The following MCPH1 variants were observed in gnomAD, a reference collection of about 807,000 sequenced individuals.
MCPH1 encodes the protein microcephalin 1, also known as microcephalin.
MCPH1 carries 104 observed loss-of-function variants against 84.5 expected under a neutral mutation model. The observed-to-expected ratio is 1.23, with a 90% CI of 1.05 to 1.45. MCPH1 has a LOEUF of 1.45. Among genes scored for constraint, MCPH1 ranks in the 40% most tolerant of loss-of-function variants. MCPH1 has a pLI of 0.00. For synonymous variants in MCPH1, 514 were observed against 366.8 expected, an observed-to-expected ratio of 1.40 and a Z score of -4.58; for missense variants, 1,498 against 1,005.7, an observed-to-expected ratio of 1.49 and a Z score of -6.62.
At position 6,626,886 on chromosome 8, in the gene MCPH1, C is replaced by G. The variant is rs1035218295; in HGVS notation, c.2452+5195C>G. 12 of 984,910 alleles carry G rather than the reference C, an allele frequency of 1.2e-5. No individual in the cohort carries two copies. In the African/African-American group the frequency reaches 1.9e-4, roughly 16 times the overall value. The allele number at this position is 984,910 out of a possible 1,614,324, so 61.0% of individuals were successfully genotyped here. A position where few individuals can be genotyped will look rare whatever the true frequency, so the allele number is the denominator to read the frequency against. On this transcript the variant is annotated intron_variant, in intron 13 of 13. Coordinates refer to ENST00000344683, the MANE Select transcript of MCPH1 (RefSeq NM_024596.5). ...GGCCTTTCTCATAGGCGTATTTCCA[C>G]TCTCAGGCGCCCTTTTATTGTCTGG...
At chr8:6,557,878 G>A (rs1226136582) in intron 12 of MCPH1, among the ~76,000 whole-genome samples, 2 of 152,090 alleles carry the variant, frequency 1.3e-5, no homozygotes, top group African/African-American at 4.8e-5. Context: ...CCACAAAGCT[G>A]ACCAGGCCCT....
intron 11 of MCPH1, among the ~76,000 whole-genome samples, chr8:6,497,866 G>A (rs564269691): frequency 6.6e-6 from 1 of 152,246 alleles, no homozygotes; most frequent in East Asian, 1.9e-4. Flanking sequence ...TTGAACATAG[G>A]TACATTAAGT....
chr8:6,618,804 G>T (rs966139005), intron 12 of MCPH1: 3 of 151,950 alleles, frequency 2.0e-5, no homozygotes, highest in South Asian at 2.1e-4. Context: ...GACATGAAAA[G>T]AACAAAATAA....
At chr8:6,417,128 G>C (rs950206464) in intron 3 of MCPH1, among the ~76,000 whole-genome samples, 1 of 152,078 alleles carries the variant, frequency 6.6e-6, no homozygotes, top group African/African-American at 2.4e-5. Context: ...TGAATGTGTA[G>C]TTGCCTGTGT....
chr8:6,514,113 G>A (rs79324428), intron 12 of MCPH1, among the ~76,000 whole-genome samples: 9 of 152,200 alleles, frequency 5.9e-5, no homozygotes, highest in Non-Finnish European at 1.3e-4. Context: ...AAACAGCTCA[G>A]TTCATGGGAA....
chr8:6,548,192 G>A (rs2515492), intron 12 of MCPH1, among the ~76,000 whole-genome samples: 151,300 of 152,182 alleles, frequency 0.99, 75,218 homozygotes, highest in Middle Eastern at 1. Flanking sequence ...GAGGCGGCAC[G>A]CTTTGACTTT....
intron 11 of MCPH1, among the ~76,000 whole-genome samples, chr8:6,492,710 T>G: frequency 7.0e-6 from 1 of 143,716 alleles, no homozygotes; most frequent in Admixed American, 7.3e-5. Context: ...TAAAAATAAA[T>G]ATTTTATATT....
rs1418843033 is a variant in MCPH1, at chr8:6,519,811, T to A, written c.2214+19882T>A. ...TTCTGCTCTCTGGTTCCTCACTCACTAAAGTGGCCTGCCTAGAGCCAGGGA... is the reference window on the plus strand; with the variant it reads ...TTCTGCTCTCTGGTTCCTCACTCACAAAAGTGGCCTGCCTAGAGCCAGGGA... On this transcript the variant is annotated intron_variant, in intron 12 of 13. Coordinates refer to ENST00000344683, the MANE Select transcript of MCPH1 (RefSeq NM_024596.5). 3.8e-6 allele frequency: 6 copies of A among 1,597,206 alleles called. No individual in the cohort carries two copies. In the East Asian group the frequency reaches 1.1e-4, roughly 30 times the overall value.
intron 12 of MCPH1, chr8:6,508,870 C>A (rs764112777): frequency 5.0e-6 from 8 of 1,610,702 alleles, no homozygotes; most frequent in African/African-American, 1.3e-5. Context: ...AAATTGCCAG[C>A]CTTTCCCTCT....
chr8:6,464,359 G>C (rs1252717743), intron 9 of MCPH1, among the ~76,000 whole-genome samples: 1 of 152,184 alleles, frequency 6.6e-6, no homozygotes, highest in East Asian at 1.9e-4. Flanking sequence ...TAGCCTAACA[G>C]TTGCTTTCAG....
chr8:6,457,317 T>A (rs1210623312), intron 9 of MCPH1, among the ~76,000 whole-genome samples: 1 of 151,700 alleles, frequency 6.6e-6, no homozygotes, highest in African/African-American at 2.4e-5. Context: ...TCTGGGCCAG[T>A]CATGGTGGCT....
chr8:6,620,999 A>G (rs932567756), intron 12 of MCPH1: 6 of 234,218 alleles, frequency 2.6e-5, no homozygotes, highest in African/African-American at 4.6e-5. Context: ...TACATCCTAT[A>G]AAAGTCCTTT....
Position 6,620,813 on chromosome 8 carries a change from G to A in MCPH1, c.2215-641G>A, listed in dbSNP as rs547764223. Among the ~76,000 whole-genome samples the A allele has an allele frequency of 5.8e-4, 89 of 152,264 alleles. No individual in the cohort carries two copies. In the South Asian group the frequency reaches 8.5e-3, roughly 15 times the overall value. ...ACACATTGCCAGAATGAGAAGCAGA[G>A]CAGCTTCACATCCCTGCTTCTGAAA... On this transcript the variant is annotated intron_variant, in intron 12 of 13. Transcript: ENST00000344683.
chr8:6,606,795 C>G (rs1829811911), intron 12 of MCPH1, among the ~76,000 whole-genome samples: 1 of 152,186 alleles, frequency 6.6e-6, no homozygotes, highest in Non-Finnish European at 1.5e-5. Context: ...AGGTCTTTCT[C>G]ATGCTGTTCT....
At chr8:6,574,928 G>A (rs1403564407) in intron 12 of MCPH1, among the ~76,000 whole-genome samples, 1 of 152,042 alleles carries the variant, frequency 6.6e-6, no homozygotes, top group Non-Finnish European at 1.5e-5. Flanking sequence ...TCGAAAAACG[G>A]CAAAAAATGA....
intron 11 of MCPH1, among the ~76,000 whole-genome samples, chr8:6,488,709 C>T (rs1391963476): frequency 6.6e-6 from 1 of 151,986 alleles, no homozygotes; most frequent in Non-Finnish European, 1.5e-5. Flanking sequence ...CCCAGTATGG[C>T]TGTGTAGTTC....
At chr8:6,544,922 G>C (rs1470722969) in intron 12 of MCPH1, among the ~76,000 whole-genome samples, 1 of 152,130 alleles carries the variant, frequency 6.6e-6, no homozygotes, top group Non-Finnish European at 1.5e-5. Context: ...CACTAGTTTT[G>C]TTCTCACAAT....
At chr8:6,597,120 T>C (rs1013633650) in intron 12 of MCPH1, among the ~76,000 whole-genome samples, 1 of 152,194 alleles carries the variant, frequency 6.6e-6, no homozygotes, top group East Asian at 1.9e-4. Flanking sequence ...GCACTTCTTG[T>C]ACCTTATCTA....
intron 13 of MCPH1, among the ~76,000 whole-genome samples, chr8:6,627,479 G>A (rs1416117339): frequency 3.9e-5 from 6 of 152,212 alleles, no homozygotes; most frequent in African/African-American, 1.2e-4. Context: ...ACAATATGAA[G>A]AATTATTTTT....
Sources: allele counts gnomAD v4.1 joint callset (sites outside exome capture counted in the v4.1 genomes callset), GRCh38; gene constraint gnomAD v4.1.1; transcripts MANE v1.5; gene names NCBI Gene and HGNC (gene_info 2026-07-23, HGNC 2026-07-21).